Variants in TAX1BP1 observed in about 807,000 individuals in gnomAD.
TAX1BP1 encodes Tax1 binding protein 1.
Under a neutral mutation model 97.7 loss-of-function variants are expected in TAX1BP1, and 62 were observed. The observed-to-expected ratio is 0.63, with a 90% CI of 0.52 to 0.78. The LOEUF (loss-of-function observed/expected upper bound fraction) is 0.78, where lower values mean the gene tolerates loss of function less well. Ranked by LOEUF, TAX1BP1 falls within the 30% of genes least tolerant of loss-of-function variation. TAX1BP1 has a pLI of 0.00. For synonymous variants in TAX1BP1, 340 were observed against 304.2 expected (o/e 1.12, Z -1.23); for missense variants, 867 against 916.1 (o/e 0.95, Z 0.69).
intron 4 of TAX1BP1, among the ~76,000 whole-genome samples, chr7:27,766,964 G>A (rs1049119603): frequency 1.3e-5 from 2 of 152,076 alleles, no homozygotes; most frequent in Non-Finnish European, 2.9e-5. Context: ...ACTCCTTACT[G>A]TTTTTGTAAA....
At chr7:27,816,328 C>A in intron 13 of TAX1BP1, 21 bp from the exon 14 acceptor site, 1 of 1,530,764 alleles carries the variant, frequency 6.5e-7, no homozygotes, top group South Asian at 1.3e-5. Flanking sequence ...GCTTATTCAT[C>A]TTTGTTTTTG....
chr7:27,762,242 A>G (rs919082576), intron 3 of TAX1BP1, among the ~76,000 whole-genome samples: 20 of 152,172 alleles, frequency 1.3e-4, no homozygotes, highest in African/African-American at 4.1e-4. Context: ...TGTAAGTTAT[A>G]TATGTAGTTT....
chr7:27,798,320 A>C (rs1790010868), intron 12 of TAX1BP1, among the ~76,000 whole-genome samples: 1 of 151,828 alleles, frequency 6.6e-6, no homozygotes, highest in Non-Finnish European at 1.5e-5. Context: ...TCTTTTGGGT[A>C]AATATCTAGG....
intron 1 of TAX1BP1, among the ~76,000 whole-genome samples, chr7:27,747,297 G>A (rs1302131620): frequency 1.3e-5 from 2 of 152,072 alleles, no homozygotes; most frequent in African/African-American, 4.8e-5. Flanking sequence ...CAAAAGTAGA[G>A]CACAAAATAG....
At chr7:27,761,493 C>T (rs1415477433) in intron 3 of TAX1BP1, among the ~76,000 whole-genome samples, 3 of 152,182 alleles carry the variant, frequency 2.0e-5, no homozygotes, top group African/African-American at 7.2e-5. Flanking sequence ...ACTCATCTCT[C>T]CTTCCCTCCT....
chr7:27,807,868 A>G (rs1790401603), intron 13 of TAX1BP1, among the ~76,000 whole-genome samples: 1 of 152,074 alleles, frequency 6.6e-6, no homozygotes, highest in Non-Finnish European at 1.5e-5. Context: ...TTGTAGACTC[A>G]TGGATTCCCG....
intron 2 of TAX1BP1, among the ~76,000 whole-genome samples, chr7:27,752,007 G>C (rs1450106113): frequency 6.6e-6 from 1 of 152,086 alleles, no homozygotes; most frequent in African/African-American, 2.4e-5. Context: ...TCATGTTGTA[G>C]ATTGTTTTAA....
chr7:27,803,084 TAAAG>T (rs1790199436), intron 13 of TAX1BP1: 7 of 1,534,654 alleles, frequency 4.6e-6, no homozygotes, highest in African/African-American at 1.4e-5. Context: ...TGAAAAAAAA[TAAAG>T]AAATTTCTTT....
At chr7:27,744,194 A>G (rs927606364) in intron 1 of TAX1BP1, among the ~76,000 whole-genome samples, 23 of 152,086 alleles carry the variant, frequency 1.5e-4, no homozygotes, top group Non-Finnish European at 2.1e-4. Context: ...GCGTGATCTC[A>G]GCTCACTGCA....
intron 15 of TAX1BP1, among the ~76,000 whole-genome samples, chr7:27,817,880 TA>T (rs1790838507): frequency 1.3e-5 from 2 of 152,126 alleles, no homozygotes; most frequent in Admixed American, 1.3e-4. Flanking sequence ...TAATTGCTAT[TA>T]ACCTTTGCAG....
At chr7:27,779,847 G>A (rs561685980) in intron 5 of TAX1BP1, among the ~76,000 whole-genome samples, 66 of 152,156 alleles carry the variant, frequency 4.3e-4, no homozygotes, top group Non-Finnish European at 8.2e-4. Flanking sequence ...ATGTCTTCGT[G>A]ATAGAAACTT....
chr7:27,749,763 A>G (rs1787956133), intron 2 of TAX1BP1, among the ~76,000 whole-genome samples: 1 of 152,156 alleles, frequency 6.6e-6, no homozygotes, highest in African/African-American at 2.4e-5. Flanking sequence ...TCATTGTAAC[A>G]ATTTTATGAA....
chr7:27,795,880 GA>G (rs1248100186), intron 11 of TAX1BP1, among the ~76,000 whole-genome samples: 1 of 152,046 alleles, frequency 6.6e-6, no homozygotes, highest in African/African-American at 2.4e-5. Context: ...AAAAATCAAA[GA>G]ATAATCCTTT....
chr7:27,791,863 TG>T, intron 8 of TAX1BP1, 142 bp from the exon 9 acceptor site: 1 of 688,988 alleles, frequency 1.5e-6, no homozygotes, highest in Non-Finnish European at 2.4e-6. Context: ...TTAAGTTTTT[TG>T]TAGGCATATA....
intron 15 of TAX1BP1, among the ~76,000 whole-genome samples, chr7:27,826,119 CT>C (rs1323156024): frequency 3.9e-5 from 6 of 152,188 alleles, no homozygotes; most frequent in Non-Finnish European, 7.3e-5. Context: ...ACATACTAAG[CT>C]CAGCAGATTC....
Position 27,828,927 on chromosome 7 carries a change from T to C in TAX1BP1, c.*98T>C. ...TGAGGAGACCATAGAGCGGATGCTTTCATGCACCCTTTACTGCACTTTCTG... is the reference window on the plus strand; with the variant it reads ...TGAGGAGACCATAGAGCGGATGCTTCCATGCACCCTTTACTGCACTTTCTG... On this transcript the variant is annotated 3_prime_UTR_variant, in exon 17 of 17. Transcript: ENST00000396319. The C allele has an allele frequency of 1.0e-6, 1 of 954,876 alleles. No homozygotes were observed. The highest frequency in any genetic ancestry group is 2.7e-5 in the Admixed American group (1 of 37,294). 59.2% of individuals were successfully genotyped at this position (954,876 alleles called of 1,614,324 possible).
chr7:27,796,269 TTAGC>T, intron 12 of TAX1BP1, 50 bp downstream of exon 12: 1 of 1,350,768 alleles, frequency 7.4e-7, no homozygotes, highest in Admixed American at 2.3e-5. Context: ...TGTTAATGAC[TTAGC>T]TTACCTTTAT....
chr7:27,748,528 A>G lies in TAX1BP1; in HGVS notation c.4A>G (p.Thr2Ala). The G allele has an allele frequency of 6.3e-7, 1 of 1,586,442 alleles. No homozygotes were observed. Among genetic ancestry groups the G allele is most frequent in the Non-Finnish European group, 8.6e-7 (1 of 1,164,144 alleles). Residue 2 changes from threonine (T) to alanine (A), a missense_variant, in exon 2 of 17, where the codon ACA becomes GCA. Thr to Ala is a moderately conservative substitution (Grantham distance 58). Transcript: ENST00000396319. M[T>A]SFQEVPLQTS... ...AATTACTTGTTTCAGATTCACAATG[A>G]CATCCTTTCAAGAAGTCCCATTGCA...
At chr7:27,794,852 A>G (rs186661086) in intron 11 of TAX1BP1, among the ~76,000 whole-genome samples, 12 of 152,268 alleles carry the variant, frequency 7.9e-5, no homozygotes, top group Non-Finnish European at 1.5e-4. Flanking sequence ...AAAATCCCCT[A>G]TTATTCTCAT....
Sources: gnomAD v4.1 joint callset for allele counts (sites outside exome capture counted in the v4.1 genomes callset) on GRCh38, gnomAD v4.1.1 for gene constraint, MANE v1.5 for transcripts, NCBI Gene and HGNC (gene_info 2026-07-23, HGNC 2026-07-21) for gene names.